Variants in SLC6A5 observed in about 807,000 individuals in gnomAD.
SLC6A5 encodes the protein solute carrier family 6 member 5.
Under a neutral mutation model 90.5 loss-of-function variants are expected in SLC6A5, and 58 were observed. The ratio of observed to expected loss-of-function variants is 0.64; its 90% confidence interval spans 0.52 to 0.80. SLC6A5 has a LOEUF of 0.80. SLC6A5 is among the 30% of genes least tolerant of loss of function. The pLI is 0.00. For missense variants in SLC6A5, 1,015 were observed against 1,017.6 expected (o/e 1.00, Z 0.03); for synonymous variants, 427 against 401.4 (o/e 1.06, Z -0.76).
chr11:20,641,716 AT>A (rs2133814008), intron 13 of SLC6A5, among the ~76,000 whole-genome samples: 1 of 152,312 alleles, frequency 6.6e-6, no homozygotes, highest in African/African-American at 2.4e-5. Context: ...TAGCTCATTA[AT>A]AACTCACACA....
chr11:20,636,484 C>T, intron 11 of SLC6A5, 65 bp downstream of exon 11: 1 of 1,011,498 alleles, frequency 9.9e-7, no homozygotes, highest in Non-Finnish European at 1.6e-6. Context: ...CTCCTGGGTC[C>T]TGGGTTCACC....
Position 20,601,229 on chromosome 11 carries a change from G to T in SLC6A5, c.104G>T (p.Ser35Ile). The change falls in exon 2 of 16, where the codon AGC (serine) becomes ATC (isoleucine). Residue 35 changes from serine to isoleucine, a missense_variant. Physicochemically the swap from Ser to Ile is moderately radical, Grantham distance 142. This residue lies in a region of SLC6A5 where 567 missense variants were observed against 507.3 expected (regional missense o/e 1.12). Coordinates refer to ENST00000525748, the MANE Select transcript of SLC6A5 (RefSeq NM_004211.5). ...HPDGPCAPRT[S>I]PEQELPAAAA... ...GATGGCCCATGCGCTCCCAGGACGAGCCCGGAGCAGGAGCTTCCCGCGGCT... is the reference window on the plus strand; with the variant it reads ...GATGGCCCATGCGCTCCCAGGACGATCCCGGAGCAGGAGCTTCCCGCGGCT... 4 of 1,582,590 alleles carry T rather than the reference G, an allele frequency of 2.5e-6. No homozygotes were observed. Among genetic ancestry groups the T allele is most frequent in the Non-Finnish European group, 3.4e-6 (4 of 1,172,080 alleles).
At chr11:20,599,731 G>A in intron 1 of SLC6A5, 56 bp downstream of exon 1, 7 of 1,609,900 alleles carry the variant, frequency 4.3e-6, no homozygotes, top group Non-Finnish European at 6.0e-6. Context: ...GACAGGGAAA[G>A]CAGATTCGTT....
chr11:20,599,712 G>T, intron 1 of SLC6A5, 37 bp downstream of exon 1: 1 of 1,613,630 alleles, frequency 6.2e-7, no homozygotes, highest in Non-Finnish European at 8.5e-7. Flanking sequence ...GAGGAAAGGG[G>T]GCTGAGGGGA....
chr11:20,631,333 G>C (rs1853105704), intron 10 of SLC6A5, among the ~76,000 whole-genome samples: 2 of 152,316 alleles, frequency 1.3e-5, no homozygotes, highest in South Asian at 4.1e-4. Context: ...TAGCAATGCA[G>C]ACCTGCAGTT....
intron 7 of SLC6A5, among the ~76,000 whole-genome samples, chr11:20,622,473 C>T (rs191592680): frequency 9.8e-5 from 15 of 152,314 alleles, no homozygotes; most frequent in African/African-American, 3.4e-4. Flanking sequence ...CTGCCATACA[C>T]ATTTCTCATC....
At chr11:20,635,175 G>T (rs913783490) in intron 10 of SLC6A5, among the ~76,000 whole-genome samples, 1 of 152,030 alleles carries the variant, frequency 6.6e-6, no homozygotes, top group African/African-American at 2.4e-5. Context: ...TGATGTAGGG[G>T]GTACTGGGCT....
chr11:20,626,620 C>A (rs1852999587), intron 7 of SLC6A5, 88 bp from the exon 8 acceptor site: 18 of 1,416,622 alleles, frequency 1.3e-5, no homozygotes, highest in Non-Finnish European at 1.8e-5. Flanking sequence ...TCATGCGCAG[C>A]CCCACTCTTC....
At position 20,628,030 on chromosome 11, in the gene SLC6A5, G is replaced by A. The variant is rs1411486846; in HGVS notation, c.1446G>A (p.Trp482Ter). 1 of 1,614,000 alleles carries A rather than the reference G, an allele frequency of 6.2e-7. No individual in the cohort carries two copies. Among genetic ancestry groups the A allele is most frequent in the Non-Finnish European group, 8.5e-7 (1 of 1,180,022 alleles). Reference protein sequence around the residue: ...TQIFFSLSAAWGGLITLSSYN... With the variant: ...TQIFFSLSAA ...TTTTCTTCTCTTTATCTGCTGCATG[G>A]GGAGGCCTGATCACTCTCTCTTCTT... The change falls in exon 9 of 16, where the codon TGG becomes TGA. Residue 482 changes from tryptophan to a stop codon, truncating the protein, a stop_gained. Coordinates refer to ENST00000525748, the MANE Select transcript of SLC6A5 (RefSeq NM_004211.5). LOFTEE classifies it high-confidence loss of function.
intron 7 of SLC6A5, among the ~76,000 whole-genome samples, chr11:20,624,607 GC>G (rs1246999128): frequency 6.6e-6 from 1 of 152,180 alleles, no homozygotes; most frequent in Non-Finnish European, 1.5e-5. Context: ...TGCGGCAGGT[GC>G]CCTGTGTCCC....
At chr11:20,642,075 A>T (rs1219425720) in intron 13 of SLC6A5, among the ~76,000 whole-genome samples, 4 of 152,072 alleles carry the variant, frequency 2.6e-5, no homozygotes, top group Non-Finnish European at 5.9e-5. Flanking sequence ...TATACACAAG[A>T]CTGGAGACGT....
chr11:20,603,859 T>A (rs867175745), intron 2 of SLC6A5, among the ~76,000 whole-genome samples: 1 of 152,072 alleles, frequency 6.6e-6, no homozygotes, highest in Non-Finnish European at 1.5e-5. Flanking sequence ...AGGAACCTGC[T>A]TGCTGGGAAC....
At chr11:20,642,586 C>A (rs1375226116) in intron 13 of SLC6A5, among the ~76,000 whole-genome samples, 1 of 152,186 alleles carries the variant, frequency 6.6e-6, no homozygotes, top group Admixed American at 6.5e-5. Flanking sequence ...ATACAGCAGG[C>A]AAGTCCCTCT....
chr11:20,600,648 C>A (rs547842879), intron 1 of SLC6A5, among the ~76,000 whole-genome samples: 1 of 152,094 alleles, frequency 6.6e-6, no homozygotes, highest in Admixed American at 6.6e-5. Context: ...TGGCCTCAAG[C>A]GCTCGCAGGT....
chr11:20,644,097 G>A (rs1853364569), intron 13 of SLC6A5, among the ~76,000 whole-genome samples: 1 of 152,060 alleles, frequency 6.6e-6, no homozygotes, highest in Non-Finnish European at 1.5e-5. Context: ...ATATTTACGA[G>A]GTTCAAAAGG....
chr11:20,605,484 G>C (rs556377818), intron 3 of SLC6A5, among the ~76,000 whole-genome samples: 31 of 152,322 alleles, frequency 2.0e-4, no homozygotes, highest in Non-Finnish European at 3.8e-4. Flanking sequence ...GCCATCGGGG[G>C]TGCCCTGAAA....
intron 8 of SLC6A5, 81 bp downstream of exon 8, chr11:20,626,923 C>T: frequency 8.8e-7 from 1 of 1,130,842 alleles, no homozygotes; most frequent in East Asian, 2.3e-5. Context: ...TAGACTTCCT[C>T]CTCCAGGGAA....
chr11:20,616,822 G>T lies in SLC6A5; in HGVS notation c.1128-930G>T, dbSNP rs1056224928. Among the ~76,000 whole-genome samples, 18 of 152,186 alleles carry T rather than the reference G, an allele frequency of 1.2e-4. 1 individual carries two copies. ...CAAGCTAGCCAGCTGGACCAGGAGT[G>T]GGGCTGCTGCCTACATTTCCTTCAG... On this transcript the variant is annotated intron_variant, in intron 6 of 15. Coordinates refer to ENST00000525748, the MANE Select transcript of SLC6A5 (RefSeq NM_004211.5).
chr11:20,626,607 C>A, intron 7 of SLC6A5, 101 bp from the exon 8 acceptor site: 1 of 1,319,192 alleles, frequency 7.6e-7, no homozygotes, highest in Non-Finnish European at 1.1e-6. Context: ...GATGTGCTCT[C>A]TGTCATGCGC....
Sources: allele counts gnomAD v4.1 joint callset (sites outside exome capture counted in the v4.1 genomes callset), GRCh38; gene constraint gnomAD v4.1.1; regional missense constraint gnomAD v4.1.1; transcripts MANE v1.5; gene names NCBI Gene and HGNC (gene_info 2026-07-23, HGNC 2026-07-21).